MACROD2: variants seen among roughly 807,000 people sequenced by gnomAD.
MACROD2 encodes mono-ADP ribosylhydrolase 2.
Under a neutral mutation model 70.4 loss-of-function variants are expected in MACROD2, and 36 were observed. That is an observed-to-expected ratio of 0.51 (90% CI 0.39 to 0.68). MACROD2 has a LOEUF of 0.68. Among genes scored for constraint, MACROD2 ranks in the 30% least tolerant of loss-of-function variants. The pLI is 0.00. For missense variants in MACROD2, 496 were observed against 538.4 expected (o/e 0.92, Z 0.78); for synonymous variants, 172 against 178.8 (o/e 0.96, Z 0.30).
chr20:15,011,784 T>C (rs1339610268), intron 5 of MACROD2, among the ~76,000 whole-genome samples: 1 of 152,198 alleles, frequency 6.6e-6, no homozygotes, highest in Non-Finnish European at 1.5e-5. Flanking sequence ...CCTTGGGTCA[T>C]GGTGTTTAGC....
intron 3 of MACROD2, among the ~76,000 whole-genome samples, chr20:14,353,860 C>A (rs902345742): frequency 6.6e-6 from 1 of 152,014 alleles, no homozygotes; most frequent in Non-Finnish European, 1.5e-5. Context: ...GTCTACAAGA[C>A]CATGATGATT....
At chr20:14,523,329 C>T (rs2085192139) in intron 4 of MACROD2, 1 of 152,178 alleles carries the variant, frequency 6.6e-6, no homozygotes. Flanking sequence ...TGTGAGATTC[C>T]TCTCTGGAAT....
chr20:15,548,457 G>A lies in MACROD2; in HGVS notation c.645+48610G>A, dbSNP rs145295810. The stretch of plus-strand genomic sequence containing the variant: ...TCACCCCAGGCTGGAGTGCAGTGGC[G>A]CACTCTCGGCTCACTGCAACCTCCA... On this transcript the variant is annotated intron_variant, in intron 8 of 17. Coordinates refer to ENST00000684519, the MANE Select transcript of MACROD2 (RefSeq NM_001351661.2). Among the ~76,000 whole-genome samples the A allele has an allele frequency of 5.5e-3, 834 of 152,106 alleles. 6 individuals carry two copies. Among genetic ancestry groups the A allele is most frequent in the African/African-American group, 0.019 (788 of 41,488 alleles).
In MACROD2 at chr20:15,984,638, C is replaced by T. The variant is rs56106190; in HGVS notation, c.986-2089C>T. Reference sequence around the variant, plus strand: ...TTTTACATAAATTTTGCCTCCCCCCCCCGCCCTTCTCTTTTTTAAAGCGAA... The same window carrying T: ...TTTTACATAAATTTTGCCTCCCCCCTCCGCCCTTCTCTTTTTTAAAGCGAA... On this transcript the variant is annotated intron_variant, in intron 13 of 17. Transcript: ENST00000684519. Among the ~76,000 whole-genome samples, 34 of 150,576 alleles carry T rather than the reference C, an allele frequency of 2.3e-4. 1 individual carries two copies. Among genetic ancestry groups the T allele is most frequent in the Admixed American group, 6.6e-4 (10 of 15,114 alleles).
chr20:15,528,210 C>G (rs1253810285), intron 8 of MACROD2, among the ~76,000 whole-genome samples: 1 of 152,178 alleles, frequency 6.6e-6, no homozygotes, highest in Non-Finnish European at 1.5e-5. Context: ...TCTTGGCTCA[C>G]TGTAACCTCC....
intron 5 of MACROD2, among the ~76,000 whole-genome samples, chr20:15,015,648 A>T (rs1232672424): frequency 1.3e-5 from 2 of 152,206 alleles, no homozygotes; most frequent in African/African-American, 4.8e-5. Context: ...GGTTAAGATT[A>T]AAAAAGAGGA....
At chr20:14,964,540 T>C (rs2074614246) in intron 5 of MACROD2, among the ~76,000 whole-genome samples, 1 of 151,658 alleles carries the variant, frequency 6.6e-6, no homozygotes, top group African/African-American at 2.4e-5. Flanking sequence ...GCCACTGCAC[T>C]TCAGCCTGGG....
intron 7 of MACROD2, among the ~76,000 whole-genome samples, chr20:15,472,502 T>C (rs548334866): frequency 9.8e-5 from 15 of 152,320 alleles, no homozygotes; most frequent in African/African-American, 3.6e-4. Flanking sequence ...AAATCTATCA[T>C]CTTATTTTTC....
At chr20:15,219,321 G>T (rs757551515) in intron 5 of MACROD2, among the ~76,000 whole-genome samples, 5 of 152,214 alleles carry the variant, frequency 3.3e-5, no homozygotes, top group Non-Finnish European at 7.3e-5. Context: ...TCTCTGAAAA[G>T]TAGGTGAGGA....
intron 4 of MACROD2, among the ~76,000 whole-genome samples, chr20:14,513,243 G>T (rs536967859): frequency 3.9e-5 from 6 of 152,148 alleles, no homozygotes; most frequent in African/African-American, 1.4e-4. Flanking sequence ...TTATCTTAGA[G>T]ACTTCTCAGT....
intron 3 of MACROD2, among the ~76,000 whole-genome samples, chr20:14,172,660 A>G (rs1414648581): frequency 1.3e-5 from 2 of 152,132 alleles, no homozygotes; most frequent in Non-Finnish European, 2.9e-5. Flanking sequence ...CAACATTAGT[A>G]TTGAGATGTG....
At chr20:15,131,536 T>C (rs1003948763) in intron 5 of MACROD2, among the ~76,000 whole-genome samples, 7 of 152,040 alleles carry the variant, frequency 4.6e-5, no homozygotes, top group African/African-American at 1.7e-4. Flanking sequence ...TGATATCATT[T>C]AAGTATAGAT....
In MACROD2 at chr20:15,578,923, T is replaced by C. The variant is rs566099708; in HGVS notation, c.645+79076T>C. On this transcript the variant is annotated intron_variant, in intron 8 of 17. Coordinates refer to ENST00000684519, the MANE Select transcript of MACROD2 (RefSeq NM_001351661.2). ...GAAGATAGACAGATAAACAGATAGA[T>C]ATAGCGATATGGGGAATACTAATCA... Among the ~76,000 whole-genome samples the C allele has an allele frequency of 6.8e-3, 1,041 of 152,312 alleles. 14 individuals are homozygous for C. Among genetic ancestry groups the C allele is most frequent in the African/African-American group, 0.024 (999 of 41,558 alleles).
intron 5 of MACROD2, among the ~76,000 whole-genome samples, chr20:15,120,078 C>G (rs960492499): frequency 1.1e-4 from 16 of 152,320 alleles, no homozygotes; most frequent in Non-Finnish European, 1.9e-4. Flanking sequence ...GCTGCTTGCA[C>G]TTTAGATTTG....
intron 5 of MACROD2, among the ~76,000 whole-genome samples, chr20:15,129,454 A>G (rs1391650615): frequency 6.6e-6 from 1 of 152,134 alleles, no homozygotes; most frequent in African/African-American, 2.4e-5. Context: ...TTTACATGGC[A>G]TGGCTCATGT....
Position 15,904,979 on chromosome 20 carries a change from C to T in MACROD2, c.775+19168C>T, listed in dbSNP as rs370157283. ...TAGTTGCAAGCTAATGGAAAGACCC[C>T]TGAACTAGGAATCAGATCCCTGAAT... is the stretch of plus-strand genomic sequence containing the variant. On this transcript the variant is annotated intron_variant, in intron 10 of 17. Coordinates refer to ENST00000684519, the MANE Select transcript of MACROD2 (RefSeq NM_001351661.2). Among the ~76,000 whole-genome samples, 4 of 152,066 alleles carry T rather than the reference C, an allele frequency of 2.6e-5. No individual in the cohort carries two copies. The South Asian group carries it at 6.2e-4, about 24-fold the overall frequency.
At chr20:14,288,276 C>T (rs749731639) in intron 3 of MACROD2, among the ~76,000 whole-genome samples, 12 of 152,150 alleles carry the variant, frequency 7.9e-5, no homozygotes, top group South Asian at 2.1e-4. Flanking sequence ...TAGTTTCCCT[C>T]GTAGCTAGGT....
chr20:15,574,874 T>G (rs1298472138), intron 8 of MACROD2, among the ~76,000 whole-genome samples: 1 of 152,210 alleles, frequency 6.6e-6, no homozygotes, highest in Non-Finnish European at 1.5e-5. Context: ...TTCTTCTAAT[T>G]TAACAAGGTC....
chr20:15,396,642 G>C (rs1043215308), intron 6 of MACROD2, among the ~76,000 whole-genome samples: 2 of 152,184 alleles, frequency 1.3e-5, no homozygotes, highest in Admixed American at 1.3e-4. Context: ...TTCTTAATGA[G>C]TTTTTTATTT....
Sources: gnomAD v4.1 joint callset for allele counts (sites outside exome capture counted in the v4.1 genomes callset) on GRCh38, gnomAD v4.1.1 for gene constraint, MANE v1.5 for transcripts, NCBI Gene and HGNC (gene_info 2026-07-23, HGNC 2026-07-21) for gene names.